ITGA11: variants seen among roughly 807,000 people sequenced by gnomAD.
ITGA11 encodes integrin alpha-11.
In ITGA11, 97 loss-of-function variants were observed where a neutral mutation model predicts 141.9. The observed-to-expected ratio is 0.68, with a 90% CI of 0.58 to 0.81. The LOEUF is 0.81. ITGA11 is among the 30% of genes least tolerant of loss of function. The pLI is 0.00. For synonymous variants in ITGA11, 658 were observed against 624.6 expected, an observed-to-expected ratio of 1.05 and a Z score of -0.80; for missense variants, 1,387 against 1,559.2, an observed-to-expected ratio of 0.89 and a Z score of 1.86.
In ITGA11 at chr15:68,307,297, T is replaced by C. The variant is rs971212068; in HGVS notation, c.3381+51A>G. The C allele has an allele frequency of 3.7e-6, 5 of 1,350,850 alleles. No individual in the cohort carries two copies. The Admixed American group carries it at 9.9e-5, about 27-fold the overall frequency. 83.7% of individuals were successfully genotyped at this position (1,350,850 alleles called of 1,614,324 possible). ...CTATAGAGGAGCACGGCCAACCCTT[T>C]CCCAAGCTGTCCGGCCTAAGCCCAG... On this transcript the variant is annotated intron_variant, in intron 28 of 29. Coordinates refer to ENST00000315757, the MANE Select transcript of ITGA11 (RefSeq NM_001004439.2). This position sits in a 1 kb window ranked among gnomAD's most constrained non-coding sequence, Gnocchi z 6.1.
intron 2 of ITGA11, among the ~76,000 whole-genome samples, chr15:68,393,012 A>G (rs2140393338): frequency 6.6e-6 from 1 of 152,318 alleles, no homozygotes; most frequent in Non-Finnish European, 1.5e-5. Flanking sequence ...TGGGATCAAG[A>G]CAGATTATTG....
intron 7 of ITGA11, among the ~76,000 whole-genome samples, chr15:68,354,396 T>A (rs900917858): frequency 1.3e-5 from 2 of 152,140 alleles, no homozygotes; most frequent in Admixed American, 6.5e-5. Context: ...TCATTTTTTT[T>A]AACGTGCATA....
At chr15:68,339,178 C>G (rs1894474768) in intron 11 of ITGA11, among the ~76,000 whole-genome samples, 2 of 152,204 alleles carry the variant, frequency 1.3e-5, no homozygotes, top group African/African-American at 4.8e-5. Flanking sequence ...CCTAGGCAGC[C>G]CCAAAAGCTT....
At chr15:68,397,606 ATAT>A (rs1466662310) in intron 2 of ITGA11, among the ~76,000 whole-genome samples, 1 of 100,238 alleles carries the variant, frequency 1.0e-5, no homozygotes, top group African/African-American at 4.4e-5. Flanking sequence ...AATATTTAAA[ATAT>A]TATATTTAAA....
chr15:68,379,000 AT>A (rs1433260859), intron 2 of ITGA11, among the ~76,000 whole-genome samples: 1 of 152,226 alleles, frequency 6.6e-6, no homozygotes, highest in East Asian at 1.9e-4. Flanking sequence ...TTCTCAACCC[AT>A]CTGGAGGGAA....
chr15:68,361,713 G>A lies in ITGA11; in HGVS notation c.358-9C>T. ...CAGAGGGGGCTGCAGGCCTGGGGAG[G>A]GCAGTGCAGATCCCCAGTCAGTGAG... On this transcript the variant is annotated splice_polypyrimidine_tract_variant and intron_variant, in intron 4 of 29. Coordinates refer to ENST00000315757, the MANE Select transcript of ITGA11 (RefSeq NM_001004439.2). 6.4e-7 allele frequency: 1 copy of A among 1,572,820 alleles called. No individual in the cohort carries two copies. The highest frequency in any genetic ancestry group is 8.7e-7 in the Non-Finnish European group (1 of 1,151,338).
Position 68,335,695 on chromosome 15 carries a change from ACCTGCTGGC to A in ITGA11, c.1418_1425+1del. ...CCCGGCCCCAGGCTCCCCCTCCATT[ACCTGCTGGC>A]CCCGCATAGCCTGGTGGATGGTGAG... On this transcript the variant is annotated splice_donor_variant and coding_sequence_variant, in exon 12 of 30. Transcript: ENST00000315757. LOFTEE classifies it high-confidence loss of function. This position sits in a 1 kb window ranked among gnomAD's most constrained non-coding sequence, Gnocchi z 4.9. 3 of 1,613,100 alleles carry A rather than the reference ACCTGCTGGC, an allele frequency of 1.9e-6. No individual in the cohort carries two copies. Among genetic ancestry groups the A allele is most frequent in the Non-Finnish European group, 2.5e-6 (3 of 1,179,578 alleles).
intron 22 of ITGA11, 95 bp from the exon 23 acceptor site, chr15:68,313,963 C>T (rs984581522): frequency 1.6e-5 from 15 of 944,672 alleles, no homozygotes; most frequent in Non-Finnish European, 2.5e-5. Flanking sequence ...AGCACACTGG[C>T]TTATCTGGGG....
chr15:68,334,194 G>A (rs570943983), intron 12 of ITGA11, among the ~76,000 whole-genome samples: 1 of 152,240 alleles, frequency 6.6e-6, no homozygotes, highest in South Asian at 2.1e-4. Flanking sequence ...GCACACAGAA[G>A]GTACCTAATT....
intron 5 of ITGA11, among the ~76,000 whole-genome samples, chr15:68,361,180 C>A (rs961833938): frequency 2.0e-5 from 3 of 152,220 alleles, no homozygotes; most frequent in Non-Finnish European, 4.4e-5. Flanking sequence ...CCTGTTCCTT[C>A]ATCTACAAGG....
intron 1 of ITGA11, among the ~76,000 whole-genome samples, chr15:68,423,219 T>C (rs1248230401): frequency 1.3e-5 from 2 of 151,992 alleles, no homozygotes; most frequent in African/African-American, 4.8e-5. Flanking sequence ...CCCTTTTCAG[T>C]AGGGGAGATG....
chr15:68,396,444 T>TA (rs998496443), intron 2 of ITGA11, among the ~76,000 whole-genome samples: 1 of 152,030 alleles, frequency 6.6e-6, no homozygotes, highest in Non-Finnish European at 1.5e-5. Flanking sequence ...CTACAATAAA[T>TA]AAATGAATAA....
rs1595864828 is a variant in ITGA11 at position 68,335,099 on chromosome 15, G to GCTCTGGCCTA, written c.1425+597_1425+598insTAGGCCAGAG. 3.3e-5 allele frequency among the ~76,000 whole-genome samples: 5 copies of GCTCTGGCCTA among 152,296 alleles called. No homozygotes were observed. In the East Asian group the frequency reaches 7.7e-4, roughly 24 times the overall value. ...AGCTGGGGACAACATGGAAGGGCCT[G>GCTCTGGCCTA]GACAGCACTCAGCTCTGGCCTAGAG... On this transcript the variant is annotated intron_variant, in intron 12 of 29. Transcript: ENST00000315757. The surrounding 1 kb of genome is among the most constrained non-coding windows in gnomAD (Gnocchi z 4.9).
chr15:68,360,406 G>A (rs1202894190), intron 5 of ITGA11, among the ~76,000 whole-genome samples: 1 of 151,936 alleles, frequency 6.6e-6, no homozygotes, highest in East Asian at 1.9e-4. Context: ...GATACCTTGG[G>A]AACAAACTGG....
At chr15:68,363,037 T>C (rs1304217314) in intron 4 of ITGA11, among the ~76,000 whole-genome samples, 1 of 152,002 alleles carries the variant, frequency 6.6e-6, no homozygotes, top group Non-Finnish European at 1.5e-5. Context: ...GATGGGTGGA[T>C]GAATGATAGA....
chr15:68,350,559 G>C (rs1286256328), intron 9 of ITGA11, 58 bp downstream of exon 9: 2 of 1,520,406 alleles, frequency 1.3e-6, no homozygotes, highest in Admixed American at 3.7e-5. Flanking sequence ...TGCTCTACGG[G>C]GTTTACCTGA....
In ITGA11 at chr15:68,297,622, GTTTT is replaced by G. The variant is rs1034280011; in HGVS notation, c.*5433_*5436del. ...ATGTTTTTACAAAAGCACTGTAATG[GTTTT>G]TTTTGTTTTTAAAGAAATAAATTTT... On this transcript the variant is annotated 3_prime_UTR_variant, in exon 30 of 30. Coordinates refer to ENST00000315757, the MANE Select transcript of ITGA11 (RefSeq NM_001004439.2). 3 of 151,052 alleles carry G rather than the reference GTTTT, an allele frequency of 2.0e-5. No homozygotes were observed. The highest frequency in any genetic ancestry group is 6.6e-5 in the Admixed American group (1 of 15,182). 9.4% of individuals were successfully genotyped at this position (151,052 alleles called of 1,614,324 possible). A position where few individuals can be genotyped will look rare whatever the true frequency, so the allele number is the denominator to read the frequency against.
chr15:68,359,163 G>T (rs1326954996), intron 5 of ITGA11, among the ~76,000 whole-genome samples: 1 of 152,174 alleles, frequency 6.6e-6, no homozygotes, highest in Admixed American at 6.5e-5. Context: ...ATGAGAAGAT[G>T]CTTCTAAAGG....
At position 68,335,549 on chromosome 15, in the gene ITGA11, C is replaced by A. The variant is rs1021821154; in HGVS notation, c.1425+148G>T. ...TCTGTAGGTGGATGCGCACTCCTGC[C>A]ACTCCTGGCAGCATGAAGGTGGCTG... On this transcript the variant is annotated intron_variant, in intron 12 of 29. Transcript: ENST00000315757. The surrounding 1 kb of genome is among the most constrained non-coding windows in gnomAD (Gnocchi z 4.9). The A allele has an allele frequency of 6.7e-6, 6 of 889,648 alleles. No individual in the cohort carries two copies. In the Admixed American group the frequency reaches 1.3e-4, roughly 20 times the overall value. 55.1% of individuals were successfully genotyped at this position (889,648 alleles called of 1,614,324 possible).
Sources: allele counts gnomAD v4.1 joint callset (sites outside exome capture counted in the v4.1 genomes callset), GRCh38; gene constraint gnomAD v4.1.1; non-coding constraint Gnocchi (gnomAD v3.1); transcripts MANE v1.5; gene names NCBI Gene and HGNC (gene_info 2026-07-23, HGNC 2026-07-21).